The following FREM2 variants were observed in gnomAD, a reference collection of about 807,000 sequenced individuals.
FREM2 encodes FRAS1 related extracellular matrix 2, also known as FRAS1-related extracellular matrix protein 2.
A neutral mutation model predicts 219.9 loss-of-function variants in FREM2; 119 were observed. The observed-to-expected ratio is 0.54, with a 90% CI of 0.47 to 0.63. FREM2 has a LOEUF of 0.63. FREM2 is among the 30% of genes least tolerant of loss of function. The pLI is 0.00. For synonymous variants in FREM2, 1,562 were observed against 1,522.8 expected (o/e 1.03, Z -0.60); for missense variants, 4,030 against 3,993.6 (o/e 1.01, Z -0.25).
chr13:38,813,514 C>A (rs866698535), intron 6 of FREM2, among the ~76,000 whole-genome samples: 1 of 9,874 alleles, frequency 1.0e-4, no homozygotes, highest in East Asian at 2.6e-3. Context: ...CTCTCTCTCT[C>A]TCTCCTCTCT....
At chr13:38,778,191 C>A (rs1873954661) in intron 4 of FREM2, among the ~76,000 whole-genome samples, 1 of 152,210 alleles carries the variant, frequency 6.6e-6, no homozygotes, top group Admixed American at 6.5e-5. Flanking sequence ...GAATAATCAA[C>A]CCTGTCTTAG....
At chr13:38,794,263 T>C (rs1874680434) in intron 6 of FREM2, among the ~76,000 whole-genome samples, 1 of 152,104 alleles carries the variant, frequency 6.6e-6, no homozygotes, top group African/African-American at 2.4e-5. Flanking sequence ...AAATGATAAA[T>C]AGAATAGTCA....
chr13:38,689,990 G>T lies in FREM2; in HGVS notation c.2646G>T (p.Gln882His). Reference sequence around the variant, plus strand: ...ATGGCCACATGAGAGTGTCTGGACAGATCCTGCATGTAGGGGGTCTCTTCC... The same window carrying T: ...ATGGCCACATGAGAGTGTCTGGACATATCCTGCATGTAGGGGGTCTCTTCC... ...PKHGHMRVSGQILHVGGLFHL... is the reference protein window; with the variant it reads ...PKHGHMRVSGHILHVGGLFHL... Residue 882 changes from glutamine (Q) to histidine (H), a missense_variant, in exon 1 of 24, where the codon CAG (glutamine) becomes CAT (histidine). Gln to His is a conservative substitution (Grantham distance 24, BLOSUM62 0). Around this residue, in one of 2 missense-constraint regions of FREM2, gnomAD observed 3,102 missense variants for 2,950.7 expected, o/e 1.05. Transcript: ENST00000280481. 1 of 1,614,100 alleles carries T rather than the reference G, an allele frequency of 6.2e-7. No homozygotes were observed. The highest frequency in any genetic ancestry group is 8.5e-7 in the Non-Finnish European group (1 of 1,180,032).
rs1878332721 is a variant in FREM2 at position 38,876,158 on chromosome 13, C to T, written c.8409+9C>T. ...TTGTCTCTGACTTTGCCGTAAGTGA[C>T]TAAGACTCTTAATTAATTTTCTTCT... is the stretch of plus-strand genomic sequence containing the variant. On this transcript the variant is annotated intron_variant, in intron 19 of 23. Coordinates refer to ENST00000280481, the MANE Select transcript of FREM2 (RefSeq NM_207361.6). The T allele has an allele frequency of 1.9e-6, 3 of 1,613,994 alleles. No individual in the cohort carries two copies. Among genetic ancestry groups the T allele is most frequent in the Admixed American group, 3.3e-5 (2 of 60,010 alleles).
chr13:38,724,100 T>C (rs2138111709), intron 2 of FREM2, among the ~76,000 whole-genome samples: 1 of 152,254 alleles, frequency 6.6e-6, no homozygotes, highest in South Asian at 2.1e-4. Flanking sequence ...ATATCCAGGC[T>C]CTAAGAAGGT....
chr13:38,833,347 A>G (rs888937299), intron 6 of FREM2, among the ~76,000 whole-genome samples: 2 of 152,080 alleles, frequency 1.3e-5, no homozygotes, highest in African/African-American at 2.4e-5. Flanking sequence ...CATTTTCTGC[A>G]TATGAACTTT....
intron 4 of FREM2, among the ~76,000 whole-genome samples, chr13:38,778,477 C>A (rs911742584): frequency 6.6e-6 from 1 of 152,172 alleles, no homozygotes; most frequent in African/African-American, 2.4e-5. Context: ...CCCTCATGAC[C>A]TCACCAAAGT....
rs747644445 is a variant in FREM2 at position 38,864,277 on chromosome 13, A to G, written c.7654A>G (p.Met2552Val). The G allele has an allele frequency of 8.9e-5, 143 of 1,609,918 alleles. No homozygotes were observed. Among genetic ancestry groups the G allele is most frequent in the Non-Finnish European group, 8.4e-5 (99 of 1,177,808 alleles). The change falls in exon 16 of 24, where the codon ATG (methionine) becomes GTG (valine). Residue 2552 changes from methionine to valine, a missense_variant and splice_region_variant. This residue lies in a region of FREM2 where 928 missense variants were observed against 1,042.9 expected (regional missense o/e 0.89). Transcript: ENST00000280481. Reference sequence around the variant, plus strand: ...ACAATGATTTCGATTTATCATAGGCATGCTCCCCGTGATCTCCACTAGAGA... The same window carrying G: ...ACAATGATTTCGATTTATCATAGGCGTGCTCCCCGTGATCTCCACTAGAGA... The part of the protein sequence containing the change: ...LTVTMPHIDG[M>V]LPVISTRELS...
Position 38,687,924 on chromosome 13 carries a change from C to T in FREM2, c.580C>T (p.Leu194=), listed in dbSNP as rs1450933785. ...CTTGCCTCTGGTCGTGGAAGAGCTG[C>T]TGGGGACCAGCAATGCCCTGGACGC... The part of the protein sequence containing the change: ...RNLPLVVEEL[L]GTSNALDARS... The change falls in exon 1 of 24, where the codon CTG becomes TTG. Residue 194 remains leucine, a synonymous_variant. Transcript: ENST00000280481. 1 of 1,600,566 alleles carries T rather than the reference C, an allele frequency of 6.2e-7. No homozygotes were observed. Among genetic ancestry groups the T allele is most frequent in the Non-Finnish European group, 8.5e-7 (1 of 1,172,488 alleles).
intron 2 of FREM2, among the ~76,000 whole-genome samples, chr13:38,709,270 C>G (rs1870664943): frequency 6.6e-6 from 1 of 152,176 alleles, no homozygotes; most frequent in South Asian, 2.1e-4. Flanking sequence ...CTGACACCTT[C>G]TACTCCTATC....
chr13:38,814,894 A>G lies in FREM2; in HGVS notation c.6019+30086A>G, dbSNP rs987669923. 2.6e-5 allele frequency among the ~76,000 whole-genome samples: 4 copies of G among 152,302 alleles called. No individual in the cohort carries two copies. The South Asian group carries it at 6.2e-4, about 24-fold the overall frequency. On this transcript the variant is annotated intron_variant, in intron 6 of 23. Transcript: ENST00000280481. Reference sequence around the variant, plus strand: ...CTACTAGGCCACCACCAATGTTGGCATAAAGCCCAAGGGCTTTTCTCTTAG... The same window carrying G: ...CTACTAGGCCACCACCAATGTTGGCGTAAAGCCCAAGGGCTTTTCTCTTAG...
At chr13:38,732,581 C>T (rs1021409441) in intron 2 of FREM2, among the ~76,000 whole-genome samples, 1 of 152,100 alleles carries the variant, frequency 6.6e-6, no homozygotes, top group Non-Finnish European at 1.5e-5. Context: ...TGTGGAAAGC[C>T]GGGGGAACTG....
chr13:38,826,072 C>T (rs1876271734), intron 6 of FREM2, among the ~76,000 whole-genome samples: 1 of 152,104 alleles, frequency 6.6e-6, no homozygotes. Context: ...TTTCTAACTC[C>T]TATTTTTCCT....
chr13:38,803,171 A>G (rs1593416998), intron 6 of FREM2, among the ~76,000 whole-genome samples: 1 of 152,172 alleles, frequency 6.6e-6, no homozygotes, highest in African/African-American at 2.4e-5. Context: ...GAAATTTTAC[A>G]TGTGAATTTG....
At chr13:38,826,801 A>G (rs1245512533) in intron 6 of FREM2, among the ~76,000 whole-genome samples, 2 of 152,130 alleles carry the variant, frequency 1.3e-5, no homozygotes, top group Non-Finnish European at 2.9e-5. Flanking sequence ...AATAAAATGT[A>G]CATATGTGAC....
intron 6 of FREM2, 26 bp downstream of exon 6, chr13:38,784,834 C>T: frequency 6.2e-7 from 1 of 1,612,314 alleles, no homozygotes; most frequent in Non-Finnish European, 8.5e-7. Flanking sequence ...CTTGAAAATT[C>T]TTTTTCCCGG....
chr13:38,725,793 C>T (rs1350618885), intron 2 of FREM2, among the ~76,000 whole-genome samples: 1 of 152,112 alleles, frequency 6.6e-6, no homozygotes, highest in African/African-American at 2.4e-5. Flanking sequence ...TTTTCAGGTT[C>T]AAGCGATTGG....
chr13:38,687,233 G>C lies in FREM2; in HGVS notation c.-112G>C. 1 of 1,452,268 alleles carries C rather than the reference G, an allele frequency of 6.9e-7. No individual in the cohort carries two copies. The highest frequency in any genetic ancestry group is 9.4e-7 in the Non-Finnish European group (1 of 1,061,836). The allele number at this position is 1,452,268 out of a possible 1,614,324, so 90.0% of individuals were successfully genotyped here. On this transcript the variant is annotated 5_prime_UTR_variant, in exon 1 of 24. Transcript: ENST00000280481. ...CCAGCCCCGGCTACAGGAGGACCCC[G>C]CGGGCAACGCGCGGAGTTCCTGGCA...
Position 38,848,631 on chromosome 13 carries a change from A to G in FREM2, c.6340A>G (p.Ser2114Gly). The change falls in exon 8 of 24, where the codon AGC becomes GGC. Residue 2114 changes from serine (S) to glycine (G), a missense_variant. This residue lies in a region of FREM2 where 3,102 missense variants were observed against 2,950.7 expected (regional missense o/e 1.05). Coordinates refer to ENST00000280481, the MANE Select transcript of FREM2 (RefSeq NM_207361.6). ...MPMNAALGEP[S>G]KATVSINDSV... is the part of the protein sequence containing the mutation. ...TATGAACGCAGCCCTTGGCGAGCCC[A>G]GCAAAGCCACAGTGTCCATAAATGA... The G allele has an allele frequency of 6.2e-7, 1 of 1,614,040 alleles. No individual in the cohort carries two copies. Among genetic ancestry groups the G allele is most frequent in the South Asian group, 1.1e-5 (1 of 91,080 alleles).
Sources: allele counts gnomAD v4.1 joint callset (sites outside exome capture counted in the v4.1 genomes callset), GRCh38; gene constraint gnomAD v4.1.1; regional missense constraint gnomAD v4.1.1; transcripts MANE v1.5; gene names NCBI Gene and HGNC (gene_info 2026-07-23, HGNC 2026-07-21).